The following ASAP1 variants were observed in gnomAD, a reference collection of about 807,000 sequenced individuals.
ASAP1 encodes the protein arf-GAP with SH3 domain, ANK repeat and PH domain-containing protein 1.
ASAP1 carries 43 observed loss-of-function variants against 145.2 expected under a neutral mutation model. The ratio of observed to expected loss-of-function variants is 0.30; its 90% CI spans 0.23 to 0.38. ASAP1 has a LOEUF of 0.38. ASAP1 is among the 10% of genes least tolerant of loss of function. The pLI, the probability that ASAP1 is intolerant of heterozygous loss-of-function variation, is 1.00. For synonymous variants in ASAP1, 546 were observed against 515.5 expected (o/e 1.06, Z -0.80); for missense variants, 1,018 against 1,355.3 (o/e 0.75, Z 3.91).
chr8:130,194,213 C>A (rs1180421439), intron 5 of ASAP1, among the ~76,000 whole-genome samples: 2 of 152,100 alleles, frequency 1.3e-5, no homozygotes, highest in African/African-American at 2.4e-5. Context: ...GTCTTTCCAA[C>A]TAACTTCCCA....
intron 9 of ASAP1, among the ~76,000 whole-genome samples, chr8:130,169,898 G>A (rs1487594024): frequency 6.6e-6 from 1 of 152,204 alleles, no homozygotes; most frequent in Non-Finnish European, 1.5e-5. Flanking sequence ...TTACCAGCAA[G>A]TGAAGATTTC....
intron 3 of ASAP1, among the ~76,000 whole-genome samples, chr8:130,324,320 G>T (rs1824196251): frequency 6.6e-6 from 1 of 152,164 alleles, no homozygotes; most frequent in African/African-American, 2.4e-5. Flanking sequence ...CATGGGTAAG[G>T]AAACAGCAGG....
rs74821538 is a variant in ASAP1, at chr8:130,345,502, T to C, written c.186+12515A>G. Among the ~76,000 whole-genome samples, 3 of 152,332 alleles carry C rather than the reference T, an allele frequency of 2.0e-5. No homozygotes were observed. The East Asian group carries it at 5.8e-4, about 29-fold the overall frequency. Reference sequence around the variant, plus strand: ...ACCAAGAAAGTAAATGCTAACCAGATTCTCTTCCGTTTACTTGCACTTTGC... The same window carrying C: ...ACCAAGAAAGTAAATGCTAACCAGACTCTCTTCCGTTTACTTGCACTTTGC... On this transcript the variant is annotated intron_variant, in intron 3 of 29. Coordinates refer to ENST00000518721, the MANE Select transcript of ASAP1 (RefSeq NM_018482.4).
intron 3 of ASAP1, among the ~76,000 whole-genome samples, chr8:130,256,242 G>A (rs2136917682): frequency 6.6e-6 from 1 of 152,276 alleles, no homozygotes; most frequent in Middle Eastern, 3.4e-3. Flanking sequence ...CCTTGAAGAT[G>A]CACACTAACA....
chr8:130,235,634 T>C (rs1233563218), intron 4 of ASAP1, among the ~76,000 whole-genome samples: 1 of 152,224 alleles, frequency 6.6e-6, no homozygotes, highest in African/African-American at 2.4e-5. Flanking sequence ...CTATTAGTTA[T>C]CTACCTTAAT....
chr8:130,087,702 C>G (rs1178496093), intron 25 of ASAP1, among the ~76,000 whole-genome samples: 1 of 152,112 alleles, frequency 6.6e-6, no homozygotes, highest in Non-Finnish European at 1.5e-5. Context: ...GACAGGAGGC[C>G]TCGAGTCTTG....
Position 130,401,760 on chromosome 8 carries a change from C to G in ASAP1, c.59+125G>C, listed in dbSNP as rs1378519269. On this transcript the variant is annotated intron_variant, in intron 2 of 29. Transcript: ENST00000518721. ...GATCTGTTCTCCAATAACAATCGTGCACACAGTCTCTGTTAGATTCCAGTG... is the reference window on the plus strand; with the variant it reads ...GATCTGTTCTCCAATAACAATCGTGGACACAGTCTCTGTTAGATTCCAGTG... The G allele has an allele frequency of 6.1e-6, 5 of 819,968 alleles. No individual in the cohort carries two copies. In the African/African-American group the frequency reaches 8.5e-5, roughly 14 times the overall value. The allele number at this position is 819,968 out of a possible 1,614,324, so 50.8% of individuals were successfully genotyped here. A position where few individuals can be genotyped will look rare whatever the true frequency, so the allele number is the denominator to read the frequency against.
intron 1 of ASAP1, among the ~76,000 whole-genome samples, chr8:130,435,769 A>C (rs2138812173): frequency 6.6e-6 from 1 of 152,310 alleles, no homozygotes; most frequent in Admixed American, 6.5e-5. Context: ...ATCAGCCCAG[A>C]GAAATGGCAA....
intron 3 of ASAP1, among the ~76,000 whole-genome samples, chr8:130,301,108 C>A (rs986149106): frequency 2.0e-5 from 3 of 152,174 alleles, no homozygotes; most frequent in Non-Finnish European, 4.4e-5. Context: ...TGTATGGGGA[C>A]CCAGCATAAG....
At chr8:130,127,540 T>C (rs964642963) in intron 16 of ASAP1, among the ~76,000 whole-genome samples, 1 of 152,108 alleles carries the variant, frequency 6.6e-6, no homozygotes, top group African/African-American at 2.4e-5. Context: ...ACCCATTTTT[T>C]AGGATAAGTA....
chr8:130,283,331 A>G (rs1309222747), intron 3 of ASAP1, among the ~76,000 whole-genome samples: 1 of 152,178 alleles, frequency 6.6e-6, no homozygotes, highest in African/African-American at 2.4e-5. Context: ...CTGTAATCCC[A>G]GCACTTTGGG....
chr8:130,252,172 T>C (rs1396880235), intron 3 of ASAP1, among the ~76,000 whole-genome samples: 1 of 152,178 alleles, frequency 6.6e-6, no homozygotes, highest in Non-Finnish European at 1.5e-5. Context: ...AAATTATGTA[T>C]GGAACAAATT....
chr8:130,285,877 T>C (rs1821578840), intron 3 of ASAP1, among the ~76,000 whole-genome samples: 1 of 152,216 alleles, frequency 6.6e-6, no homozygotes, highest in African/African-American at 2.4e-5. Flanking sequence ...CCAATACTGA[T>C]TAAAAATAAA....
intron 13 of ASAP1, among the ~76,000 whole-genome samples, chr8:130,151,898 G>C (rs1390404533): frequency 3.3e-5 from 5 of 152,222 alleles, no homozygotes; most frequent in Non-Finnish European, 7.3e-5. Context: ...AATTCTGTGA[G>C]TAACTAGCCA....
At chr8:130,156,369 T>C (rs1362116252) in intron 12 of ASAP1, among the ~76,000 whole-genome samples, 1 of 152,264 alleles carries the variant, frequency 6.6e-6, no homozygotes. Flanking sequence ...TGGAACCACC[T>C]GACTTCCAAC....
chr8:130,097,155 AAAAAAAG>A, intron 24 of ASAP1, among the ~76,000 whole-genome samples: 1 of 131,582 alleles, frequency 7.6e-6, no homozygotes, highest in African/African-American at 2.7e-5. Flanking sequence ...AAAAAAAAAA[AAAAAAAG>A]TCCTTGAAAA....
chr8:130,070,151 C>T (rs1430733168), intron 27 of ASAP1, among the ~76,000 whole-genome samples: 5 of 152,312 alleles, frequency 3.3e-5, no homozygotes, highest in African/African-American at 7.2e-5. Context: ...ATTCTCCTGC[C>T]TCAGCCTCCT....
At chr8:130,268,642 A>G (rs1259138824) in intron 3 of ASAP1, among the ~76,000 whole-genome samples, 2 of 152,170 alleles carry the variant, frequency 1.3e-5, no homozygotes, top group Non-Finnish European at 2.9e-5. Context: ...GTATACAAGC[A>G]ACAAAAACTA....
intron 3 of ASAP1, among the ~76,000 whole-genome samples, chr8:130,312,461 A>C (rs59636682): frequency 7.2e-6 from 1 of 139,518 alleles, no homozygotes; most frequent in Non-Finnish European, 1.6e-5. Flanking sequence ...GGGAAAAAAA[A>C]CCCATTAGGA....
Sources: allele counts gnomAD v4.1 joint callset (sites outside exome capture counted in the v4.1 genomes callset), GRCh38; gene constraint gnomAD v4.1.1; transcripts MANE v1.5; gene names NCBI Gene and HGNC (gene_info 2026-07-23, HGNC 2026-07-21).